Variants in CPNE8 observed in about 807,000 individuals in gnomAD.
CPNE8 encodes the protein copine-8.
CPNE8 carries 45 observed loss-of-function variants against 81.5 expected under a neutral mutation model. That is an observed-to-expected ratio of 0.55 (90% confidence interval 0.44 to 0.71). The LOEUF is 0.71. CPNE8 is among the 30% of genes least tolerant of loss of function. The probability of loss-of-function intolerance (pLI) is 0.00; values close to 1 mark genes in which losing one functional copy is unlikely to be tolerated. For missense variants in CPNE8, 594 were observed against 672.1 expected (o/e 0.88, Z 1.28); for synonymous variants, 252 against 226.3 (o/e 1.11, Z -1.02).
At chr12:38,849,753 C>A (rs1004259528) in intron 3 of CPNE8, among the ~76,000 whole-genome samples, 43 of 152,280 alleles carry the variant, frequency 2.8e-4, no homozygotes, top group Admixed American at 8.5e-4. Flanking sequence ...TTATAACCCA[C>A]GTCACTAATT....
At chr12:38,899,374 T>C (rs1193687358) in intron 1 of CPNE8, among the ~76,000 whole-genome samples, 1 of 152,104 alleles carries the variant, frequency 6.6e-6, no homozygotes, top group Admixed American at 6.6e-5. Context: ...GCTGGCAGCC[T>C]GTAACCTGAA....
At chr12:38,696,844 G>A (rs1241646486) in intron 14 of CPNE8, among the ~76,000 whole-genome samples, 2 of 152,102 alleles carry the variant, frequency 1.3e-5, no homozygotes, top group African/African-American at 2.4e-5. Context: ...TCAGGAATTC[G>A]AGACCAGCCT....
intron 6 of CPNE8, among the ~76,000 whole-genome samples, chr12:38,828,766 G>A (rs1436680866): frequency 6.6e-6 from 1 of 152,152 alleles, no homozygotes; most frequent in Non-Finnish European, 1.5e-5. Context: ...GGAAGGGGAA[G>A]AAGGAGGAAA....
chr12:38,717,459 A>ATATATAT (rs1565581515), intron 13 of CPNE8, among the ~76,000 whole-genome samples: 3 of 140,100 alleles, frequency 2.1e-5, no homozygotes, highest in African/African-American at 7.9e-5. Flanking sequence ...ATATATATAT[A>ATATATAT]CACCATGGAA....
intron 6 of CPNE8, among the ~76,000 whole-genome samples, chr12:38,821,129 A>C (rs1414194916): frequency 6.6e-6 from 1 of 152,224 alleles, no homozygotes; most frequent in East Asian, 1.9e-4. Context: ...GATAAAGTTT[A>C]AAATACTAAA....
chr12:38,859,610 A>T (rs1242904296), intron 3 of CPNE8, among the ~76,000 whole-genome samples: 2 of 152,180 alleles, frequency 1.3e-5, no homozygotes, highest in Non-Finnish European at 2.9e-5. Flanking sequence ...AAGATCCTGA[A>T]TAGCTAAAGC....
chr12:38,831,974 A>T (rs1033410978), intron 5 of CPNE8, among the ~76,000 whole-genome samples: 2 of 152,354 alleles, frequency 1.3e-5, no homozygotes, highest in African/African-American at 2.4e-5. Flanking sequence ...TAAAACATAA[A>T]TATTGAGCAG....
intron 13 of CPNE8, among the ~76,000 whole-genome samples, chr12:38,714,687 A>G (rs977454005): frequency 7.2e-5 from 11 of 152,126 alleles, no homozygotes; most frequent in African/African-American, 2.4e-4. Flanking sequence ...TTGAATAAAA[A>G]TTGGATTTGG....
At chr12:38,892,354 G>A (rs1944325197) in intron 1 of CPNE8, among the ~76,000 whole-genome samples, 1 of 152,130 alleles carries the variant, frequency 6.6e-6, no homozygotes, top group Admixed American at 6.5e-5. Flanking sequence ...TTTCTGCAAA[G>A]AAAAATCATG....
intron 10 of CPNE8, among the ~76,000 whole-genome samples, chr12:38,736,475 C>T (rs1267363285): frequency 6.7e-6 from 1 of 149,768 alleles, no homozygotes; most frequent in East Asian, 2.0e-4. Flanking sequence ...TAATTTATCA[C>T]ATTTAAGCCA....
intron 6 of CPNE8, among the ~76,000 whole-genome samples, chr12:38,789,170 C>G (rs1161430189): frequency 6.6e-6 from 1 of 151,896 alleles, no homozygotes; most frequent in Non-Finnish European, 1.5e-5. Context: ...AAGAACAAAA[C>G]TGGAGAAATT....
intron 1 of CPNE8, among the ~76,000 whole-genome samples, chr12:38,882,293 G>A (rs1441514560): frequency 6.6e-6 from 1 of 152,130 alleles, no homozygotes; most frequent in African/African-American, 2.4e-5. Flanking sequence ...TTTTGGCCTT[G>A]AAGATTAGAG....
chr12:38,728,252 G>C (rs902082501), intron 11 of CPNE8, among the ~76,000 whole-genome samples: 3 of 152,122 alleles, frequency 2.0e-5, no homozygotes, highest in African/African-American at 7.2e-5. Context: ...TGTCCCTGGG[G>C]ACTTGCAGAT....
rs533398336 is a variant in CPNE8, at chr12:38,833,306, C to T, written c.331-3851G>A. 1.1e-4 allele frequency among the ~76,000 whole-genome samples: 16 copies of T among 139,268 alleles called. No homozygotes were observed. In the South Asian group the frequency reaches 2.3e-3, roughly 20 times the overall value. The allele number at this position is 139,268 out of a possible 152,430, so 91.4% of individuals were successfully genotyped here. On this transcript the variant is annotated intron_variant, in intron 5 of 19. Transcript: ENST00000331366. ...GGCAGAGGTAACAGTGAGCTGAGAT[C>T]GTGGCACTGTACTCCAGCCTGGGCG...
intron 14 of CPNE8, among the ~76,000 whole-genome samples, chr12:38,694,305 TA>T (rs963657100): frequency 2.0e-5 from 3 of 152,050 alleles, no homozygotes; most frequent in African/African-American, 2.4e-5. Flanking sequence ...ATTTAGCACT[TA>T]AAAAAGGGAA....
At chr12:38,888,773 A>G (rs1301492177) in intron 1 of CPNE8, among the ~76,000 whole-genome samples, 2 of 152,126 alleles carry the variant, frequency 1.3e-5, no homozygotes, top group Non-Finnish European at 2.9e-5. Context: ...GTCCTAAAAA[A>G]ACCACTGAAT....
intron 6 of CPNE8, among the ~76,000 whole-genome samples, chr12:38,790,824 G>A (rs1274485680): frequency 1.3e-5 from 2 of 151,682 alleles, no homozygotes; most frequent in African/African-American, 4.8e-5. Context: ...TTGAGAGACT[G>A]GATAATTTGT....
chr12:38,741,711 A>G (rs1485867831), intron 10 of CPNE8, among the ~76,000 whole-genome samples: 1 of 152,238 alleles, frequency 6.6e-6, no homozygotes, highest in African/African-American at 2.4e-5. Flanking sequence ...ACAGCAAAAG[A>G]AACTACCATC....
chr12:38,729,189 T>C (rs987796178), intron 11 of CPNE8, among the ~76,000 whole-genome samples: 1 of 152,110 alleles, frequency 6.6e-6, no homozygotes, highest in African/African-American at 2.4e-5. Context: ...GCCTTGATGT[T>C]AGGCAGACAA....
Sources: allele counts gnomAD v4.1 joint callset (sites outside exome capture counted in the v4.1 genomes callset), GRCh38; gene constraint gnomAD v4.1.1; transcripts MANE v1.5; gene names NCBI Gene and HGNC (gene_info 2026-07-23, HGNC 2026-07-21).